Variants in EDARADD observed in about 807,000 individuals in gnomAD.
EDARADD encodes ectodysplasin-A receptor-associated adapter protein.
EDARADD carries 20 observed loss-of-function variants against 25.6 expected under a neutral mutation model. The observed-to-expected ratio is 0.78, with a 90% CI of 0.55 to 1.14. The LOEUF is 1.14. EDARADD is among the 50% of genes most tolerant of loss of function. The pLI is 0.00. For missense variants in EDARADD, 225 were observed against 270.1 expected (o/e 0.83, Z 1.17); for synonymous variants, 86 against 94.4 (o/e 0.91, Z 0.52).
At chr1:236,412,289 A>G (rs954966915) in intron 2 of EDARADD, among the ~76,000 whole-genome samples, 1 of 152,110 alleles carries the variant, frequency 6.6e-6, no homozygotes, top group Non-Finnish European at 1.5e-5. Context: ...ACAAAGCCTT[A>G]CTTGCCTTGG....
intron 4 of EDARADD, among the ~76,000 whole-genome samples, chr1:236,447,076 T>A (rs1478372616): frequency 4.6e-5 from 7 of 152,204 alleles, no homozygotes; most frequent in Non-Finnish European, 4.4e-5. Flanking sequence ...GAAATCTCTG[T>A]GACCCTGGGC....
At chr1:236,407,656 G>A (rs575930478) in intron 1 of EDARADD, among the ~76,000 whole-genome samples, 26 of 152,276 alleles carry the variant, frequency 1.7e-4, no homozygotes, top group East Asian at 1.2e-3. Context: ...GACTCTTGGC[G>A]GACCCACGAC....
At chr1:236,449,433 G>A (rs1658649209) in intron 4 of EDARADD, among the ~76,000 whole-genome samples, 1 of 152,182 alleles carries the variant, frequency 6.6e-6, no homozygotes, top group Non-Finnish European at 1.5e-5. Context: ...TTATTAAATG[G>A]AATGGATGGA....
intron 3 of EDARADD, among the ~76,000 whole-genome samples, chr1:236,423,722 T>G (rs181605282): frequency 3.0e-4 from 45 of 152,304 alleles, no homozygotes; most frequent in Non-Finnish European, 1.5e-4. Flanking sequence ...CAAAATATTT[T>G]CTAGTCACTA....
chr1:236,448,317 C>A (rs193170359), intron 4 of EDARADD, among the ~76,000 whole-genome samples: 2 of 152,224 alleles, frequency 1.3e-5, no homozygotes, highest in East Asian at 3.9e-4. Flanking sequence ...AATGCAGACA[C>A]GTTCACTGCT....
chr1:236,455,691 C>T (rs557754834), intron 4 of EDARADD, among the ~76,000 whole-genome samples: 2 of 152,356 alleles, frequency 1.3e-5, no homozygotes, highest in South Asian at 2.1e-4. Flanking sequence ...ACGGCAGGTT[C>T]TCAAAACAAG....
intron 3 of EDARADD, among the ~76,000 whole-genome samples, chr1:236,378,232 G>A (rs1248021134): frequency 2.0e-5 from 3 of 152,168 alleles, no homozygotes; most frequent in East Asian, 3.8e-4. Context: ...AGAATAGAAT[G>A]CTCTGGTATA....
At chr1:236,407,461 G>C (rs1667759578) in intron 1 of EDARADD, among the ~76,000 whole-genome samples, 1 of 152,138 alleles carries the variant, frequency 6.6e-6, no homozygotes, top group Non-Finnish European at 1.5e-5. Context: ...ACACCTGCAG[G>C]GCAAAGAAAC....
intron 3 of EDARADD, among the ~76,000 whole-genome samples, chr1:236,357,088 T>TTAA (rs71585707): frequency 4.1e-5 from 6 of 145,290 alleles, no homozygotes; most frequent in South Asian, 2.2e-4. Context: ...CTGTCTCAAA[T>TTAA]AAAAAATAAA....
intron 3 of EDARADD, among the ~76,000 whole-genome samples, chr1:236,363,055 C>G (rs1296926109): frequency 8.8e-6 from 1 of 113,904 alleles, no homozygotes; most frequent in East Asian, 3.3e-4. Flanking sequence ...CAGACAGAGT[C>G]TTGCTATGTT....
rs142991683 is a variant in EDARADD at position 236,371,117 on chromosome 1, C to A, written c.-6+20278C>A. On this transcript the variant is annotated intron_variant, in intron 3 of 7. Coordinates refer to the EDARADD transcript ENST00000439430. Reference sequence around the variant, plus strand: ...AGGGGTAGGTTTGCATAGTACCCCCCAAGAAACATAGATCTTGTACATATT... The same window carrying A: ...AGGGGTAGGTTTGCATAGTACCCCCAAAGAAACATAGATCTTGTACATATT... 1.1e-3 allele frequency among the ~76,000 whole-genome samples: 161 copies of A among 152,304 alleles called. 2 individuals carry two copies. The highest frequency in any genetic ancestry group is 3.7e-3 in the African/African-American group (154 of 41,566).
intron 4 of EDARADD, among the ~76,000 whole-genome samples, chr1:236,462,333 C>A (rs778140357): frequency 6.6e-6 from 1 of 151,816 alleles, no homozygotes; most frequent in Non-Finnish European, 1.5e-5. Context: ...AAGATCAGAT[C>A]TTATGAGTAC....
At chr1:236,478,831 C>T (rs1361967279) in intron 5 of EDARADD, among the ~76,000 whole-genome samples, 1 of 152,176 alleles carries the variant, frequency 6.6e-6, no homozygotes, top group Non-Finnish European at 1.5e-5. Context: ...CATGATCCAC[C>T]CGCCTCGGCC....
intron 1 of EDARADD, among the ~76,000 whole-genome samples, chr1:236,405,444 G>A (rs185818571): frequency 1.2e-3 from 188 of 152,280 alleles, no homozygotes; most frequent in African/African-American, 4.4e-3. Flanking sequence ...AATAATGGTA[G>A]TAAGCTGAGT....
intron 4 of EDARADD, among the ~76,000 whole-genome samples, chr1:236,456,306 AGAG>A (rs1204940977): frequency 1.3e-5 from 2 of 152,182 alleles, no homozygotes; most frequent in African/African-American, 4.8e-5. Context: ...AGCAGTCTGC[AGAG>A]CTGGCCGCTC....
At position 236,369,569 on chromosome 1, in the gene EDARADD, C is replaced by T. The variant is rs1056690279; in HGVS notation, c.-6+18730C>T. ...ATTGTTATCATACATCGGCCAGGTG[C>T]GGTGGCTCATGCCTGTAATCCCAGC... On this transcript the variant is annotated intron_variant, in intron 3 of 7. Coordinates refer to the EDARADD transcript ENST00000439430. 5.3e-5 allele frequency among the ~76,000 whole-genome samples: 8 copies of T among 152,268 alleles called. 1 individual carries two copies. In the South Asian group the frequency reaches 1.2e-3, roughly 24 times the overall value.
At position 236,482,844 on chromosome 1, in the gene EDARADD, G is replaced by T. The variant is rs775159272; in HGVS notation, c.*195G>T. On this transcript the variant is annotated 3_prime_UTR_variant, in exon 6 of 6. Transcript: ENST00000334232. ...GATCTCTGTTTATTTTTGCACATCTGTTATAATTTAATATTCAAATCTGGA... is the reference window on the plus strand; with the variant it reads ...GATCTCTGTTTATTTTTGCACATCTTTTATAATTTAATATTCAAATCTGGA... 2.7e-4 allele frequency: 194 copies of T among 705,964 alleles called. 1 individual carries two copies. Among genetic ancestry groups the T allele is most frequent in the Admixed American group, 5.7e-5 (2 of 34,924 alleles). 43.7% of individuals were successfully genotyped at this position (705,964 alleles called of 1,614,324 possible).
chr1:236,351,197 CT>C (rs976733853), intron 3 of EDARADD, among the ~76,000 whole-genome samples: 71 of 152,154 alleles, frequency 4.7e-4, no homozygotes, highest in Non-Finnish European at 5.3e-4. Flanking sequence ...TGAATATTCA[CT>C]GGGCAGCTTG....
chr1:236,483,569 C>T lies in EDARADD; in HGVS notation c.*920C>T, dbSNP rs1242190032. On this transcript the variant is annotated 3_prime_UTR_variant, in exon 6 of 6. Transcript: ENST00000334232. ...GGGTTCCCCTGTACCACCACATCGC[C>T]GACTTGTCTGGCAACTCCAAAGTCA... is the stretch of plus-strand genomic sequence containing the variant. 2.8e-5 allele frequency: 37 copies of T among 1,345,414 alleles called. No homozygotes were observed. The highest frequency in any genetic ancestry group is 4.3e-5 in the African/African-American group (3 of 69,384). The allele number at this position is 1,345,414 out of a possible 1,614,324, so 83.3% of individuals were successfully genotyped here.
Sources: gnomAD v4.1 joint callset for allele counts (sites outside exome capture counted in the v4.1 genomes callset) on GRCh38, gnomAD v4.1.1 for gene constraint, MANE v1.5 for transcripts, NCBI Gene and HGNC (gene_info 2026-07-23, HGNC 2026-07-21) for gene names.